Variants in ANKS1B observed in about 807,000 individuals in gnomAD.
ANKS1B encodes ankyrin repeat and sterile alpha motif domain containing 1B.
Under a neutral mutation model 148.3 loss-of-function variants are expected in ANKS1B, and 36 were observed. The ratio of observed to expected loss-of-function variants is 0.24; its 90% confidence interval spans 0.19 to 0.32. ANKS1B has a LOEUF of 0.32. Ranked by LOEUF, ANKS1B falls within the 10% of genes least tolerant of loss-of-function variation. The probability of loss-of-function intolerance (pLI) is 1.00; values close to 1 mark genes in which losing one functional copy is unlikely to be tolerated. For missense variants in ANKS1B, 1,157 were observed against 1,542.6 expected (o/e 0.75, Z 4.19); for synonymous variants, 542 against 560.8 (o/e 0.97, Z 0.47).
At chr12:99,855,704 G>A (rs979631447) in intron 1 of ANKS1B, among the ~76,000 whole-genome samples, 6 of 151,894 alleles carry the variant, frequency 4.0e-5, no homozygotes, top group African/African-American at 1.4e-4. Context: ...TGAAATTATA[G>A]CAAGTACTCT....
Position 98,987,431 on chromosome 12 carries a change from T to C in ANKS1B, c.2778+65726A>G, listed in dbSNP as rs377561566. On this transcript the variant is annotated intron_variant, in intron 17 of 26. Transcript: ENST00000683438. ...TGTACATGGCAAGTAAAACAGATTTTGACCTTTTCTTGCAATAGTAGCAAA... is the reference window on the plus strand; with the variant it reads ...TGTACATGGCAAGTAAAACAGATTTCGACCTTTTCTTGCAATAGTAGCAAA... 3.5e-4 allele frequency among the ~76,000 whole-genome samples: 54 copies of C among 152,294 alleles called. 1 individual carries two copies. The South Asian group carries it at 5.6e-3, about 16-fold the overall frequency.
intron 22 of ANKS1B, among the ~76,000 whole-genome samples, chr12:98,784,175 T>C (rs896410557): frequency 1.3e-5 from 2 of 152,168 alleles, no homozygotes; most frequent in South Asian, 2.1e-4. Context: ...GGTGGAGATA[T>C]CCAGTAGGAA....
intron 8 of ANKS1B, among the ~76,000 whole-genome samples, chr12:99,756,038 C>A (rs1288629831): frequency 2.0e-5 from 3 of 152,064 alleles, no homozygotes; most frequent in Admixed American, 6.6e-5. Context: ...TGGAACAAGA[C>A]AAGGAAGCCC....
At chr12:99,222,282 T>C (rs555770651) in intron 14 of ANKS1B, among the ~76,000 whole-genome samples, 1 of 152,290 alleles carries the variant, frequency 6.6e-6, no homozygotes, top group African/African-American at 2.4e-5. Flanking sequence ...GAGATTTGCT[T>C]CACTAAACAT....
intron 12 of ANKS1B, among the ~76,000 whole-genome samples, chr12:99,279,661 A>G (rs2078138565): frequency 6.6e-6 from 1 of 152,220 alleles, no homozygotes; most frequent in East Asian, 1.9e-4. Context: ...ACATGTTCTC[A>G]AAATGAACAA....
chr12:99,876,423 T>C (rs1477146093), intron 1 of ANKS1B, among the ~76,000 whole-genome samples: 1 of 151,982 alleles, frequency 6.6e-6, no homozygotes, highest in Non-Finnish European at 1.5e-5. Context: ...AAGAAGAGAA[T>C]TCAAGAAAGA....
intron 17 of ANKS1B, among the ~76,000 whole-genome samples, chr12:98,985,227 C>T (rs1355643792): frequency 2.0e-5 from 3 of 152,166 alleles, no homozygotes. Context: ...GTCTTCCCAC[C>T]TCAGCTTCCT....
At chr12:99,314,951 G>T (rs1451593597) in intron 12 of ANKS1B, among the ~76,000 whole-genome samples, 4 of 152,140 alleles carry the variant, frequency 2.6e-5, no homozygotes, top group Non-Finnish European at 5.9e-5. Context: ...CACAGCAAAA[G>T]AAACTACCAT....
At chr12:98,848,740 G>C (rs2099500008) in intron 17 of ANKS1B, among the ~76,000 whole-genome samples, 1 of 13,930 alleles carries the variant, frequency 7.2e-5, no homozygotes, top group African/African-American at 3.2e-4. Flanking sequence ...CTGTGTATGT[G>C]TGGTTTTTTT....
intron 17 of ANKS1B, among the ~76,000 whole-genome samples, chr12:98,959,186 T>C (rs943593064): frequency 1.3e-5 from 2 of 152,244 alleles, no homozygotes; most frequent in East Asian, 3.8e-4. Context: ...TTACTGGCTA[T>C]GTATAATGGA....
Position 99,362,625 on chromosome 12 carries a change from G to A in ANKS1B, c.1756+37006C>T, listed in dbSNP as rs117623706. On this transcript the variant is annotated intron_variant, in intron 12 of 26. Coordinates refer to ENST00000683438, the MANE Select transcript of ANKS1B (RefSeq NM_001352186.2). ...AACAAGAACTTGAATTTTTTATTAC[G>A]GTATCTTAACACATTTTACTATATA... 2.8e-3 allele frequency among the ~76,000 whole-genome samples: 429 copies of A among 151,902 alleles called. 4 individuals are homozygous for A. Among genetic ancestry groups the A allele is most frequent in the Middle Eastern group, 0.017 (5 of 294 alleles).
At chr12:99,861,714 G>T (rs1019120781) in intron 1 of ANKS1B, among the ~76,000 whole-genome samples, 2 of 151,986 alleles carry the variant, frequency 1.3e-5, no homozygotes, top group African/African-American at 4.8e-5. Flanking sequence ...AAATCTGTTC[G>T]CATGCAAACA....
intron 17 of ANKS1B, among the ~76,000 whole-genome samples, chr12:98,903,182 T>A (rs578022136): frequency 2.0e-5 from 3 of 152,286 alleles, no homozygotes; most frequent in Non-Finnish European, 2.9e-5. Context: ...TAATTGAATC[T>A]TAGGATAAAA....
At chr12:99,672,408 G>A (rs535487717) in intron 8 of ANKS1B, among the ~76,000 whole-genome samples, 2 of 152,146 alleles carry the variant, frequency 1.3e-5, no homozygotes, top group African/African-American at 4.8e-5. Flanking sequence ...ACGTAACTCT[G>A]ACCAAACAGA....
chr12:99,063,585 C>T (rs1315498153), intron 16 of ANKS1B, among the ~76,000 whole-genome samples: 1 of 152,194 alleles, frequency 6.6e-6, no homozygotes, highest in East Asian at 1.9e-4. Flanking sequence ...TACGGCAGTG[C>T]AACTTTGCTG....
At chr12:99,947,937 T>TTA (rs1191942703) in intron 1 of ANKS1B, among the ~76,000 whole-genome samples, 2 of 152,168 alleles carry the variant, frequency 1.3e-5, no homozygotes, top group South Asian at 4.1e-4. Flanking sequence ...CACTGGACCT[T>TTA]TATCATATTT....
At chr12:99,419,638 T>C (rs1235585158) in intron 11 of ANKS1B, among the ~76,000 whole-genome samples, 1 of 152,160 alleles carries the variant, frequency 6.6e-6, no homozygotes. Flanking sequence ...GCATTGCTTT[T>C]GGTTTTTAAC....
intron 17 of ANKS1B, among the ~76,000 whole-genome samples, chr12:98,889,257 G>C (rs2099746920): frequency 6.6e-6 from 1 of 152,102 alleles, no homozygotes; most frequent in Admixed American, 6.5e-5. Context: ...CATTTCAACT[G>C]ATCTAAATAT....
At chr12:99,680,376 G>A (rs1356280196) in intron 8 of ANKS1B, among the ~76,000 whole-genome samples, 1 of 152,156 alleles carries the variant, frequency 6.6e-6, no homozygotes, top group East Asian at 1.9e-4. Flanking sequence ...AGGAGGCAGA[G>A]GTTGCAGTGA....
Sources: allele counts gnomAD v4.1 joint callset (sites outside exome capture counted in the v4.1 genomes callset), GRCh38; gene constraint gnomAD v4.1.1; transcripts MANE v1.5; gene names NCBI Gene and HGNC (gene_info 2026-07-23, HGNC 2026-07-21).